Variants in TLE5 observed in about 807,000 individuals in gnomAD.
The protein encoded by TLE5 is TLE family member 5.
In TLE5, 7 loss-of-function variants were observed where a neutral mutation model predicts 25.8. The ratio of observed to expected loss-of-function variants is 0.27; its 90% CI spans 0.15 to 0.51. The LOEUF is 0.51. Ranked by LOEUF, TLE5 falls within the 20% of genes least tolerant of loss-of-function variation. The pLI, the probability that TLE5 is intolerant of heterozygous loss-of-function variation, is 0.97. For synonymous variants in TLE5, 132 were observed against 110.5 expected (o/e 1.20, Z -1.22); for missense variants, 149 against 250.7 (o/e 0.59, Z 2.74).
At chr19:3,061,857 C>G (rs1418130895) in intron 1 of TLE5, among the ~76,000 whole-genome samples, 2 of 139,070 alleles carry the variant, frequency 1.4e-5, no homozygotes, top group Admixed American at 1.4e-4. Context: ...AGGCCAAGGC[C>G]GTCCGAGGCC....
Position 3,055,340 on chromosome 19 carries a change from T to G in TLE5, c.297+324A>C, listed in dbSNP as rs140266270. ...CCTGGAGGAGGATGTCTCAAGAGGG[T>G]GAAAGGAGGAAGAGAGATGAGAAAA... On this transcript the variant is annotated intron_variant, in intron 5 of 6. Transcript: ENST00000327141. 2.4e-4 allele frequency: 47 copies of G among 199,822 alleles called. 1 individual carries two copies. Among genetic ancestry groups the G allele is most frequent in the East Asian group, 1.3e-3 (12 of 9,056 alleles). The allele number at this position is 199,822 out of a possible 1,614,324, so 12.4% of individuals were successfully genotyped here.
At chr19:3,059,495 C>G (rs989698270) in intron 2 of TLE5, among the ~76,000 whole-genome samples, 1 of 152,172 alleles carries the variant, frequency 6.6e-6, no homozygotes, top group Admixed American at 6.5e-5. Context: ...GCACTCCAGC[C>G]TGGCGACAGA....
chr19:3,054,938 A>C (rs2090204500), intron 5 of TLE5: 1 of 152,312 alleles, frequency 6.6e-6, no homozygotes, highest in Admixed American at 6.5e-5. Context: ...AGGAAGTTAC[A>C]AACTTTTGAC....
Position 3,053,959 on chromosome 19 carries a change from G to A in TLE5, c.454C>T (p.Pro152Ser), listed in dbSNP as rs1322790412. The stretch of plus-strand genomic sequence containing the variant: ...CCTGCGCTGACCGCCGGCAGCGAAG[G>A]CGGCTGCAGCCCCACGGGTAGTGGG... ...LTPLPVGLQPPSLPAVSAGTG... is the reference protein window; with the variant it reads ...LTPLPVGLQPSSLPAVSAGTG... The change falls in exon 7 of 7, where the codon CCT becomes TCT. Residue 152 changes from proline (P) to serine (S), a missense_variant. Transcript: ENST00000327141. 2 of 1,611,454 alleles carry A rather than the reference G, an allele frequency of 1.2e-6. No individual in the cohort carries two copies. The highest frequency in any genetic ancestry group is 1.7e-6 in the Non-Finnish European group (2 of 1,179,338).
intron 3 of TLE5, 52 bp downstream of exon 3, chr19:3,057,627 A>C: frequency 7.8e-6 from 12 of 1,539,910 alleles, no homozygotes; most frequent in African/African-American, 1.4e-5. Context: ...GGGGATGTGG[A>C]GGGCCCTGTC....
Position 3,061,425 on chromosome 19 carries a change from G to T in TLE5, c.28-168C>A, listed in dbSNP as rs563265101. ...ACCCCACCCGCGCTTCCTGCCCCCC[G>T]CCTCTCCCGGGGGAAGCCGAGCGGG... On this transcript the variant is annotated intron_variant, in intron 1 of 6. Transcript: ENST00000327141. 12 of 450,068 alleles carry T rather than the reference G, an allele frequency of 2.7e-5. No homozygotes were observed. In the East Asian group the frequency reaches 5.1e-4, roughly 19 times the overall value. The allele number at this position is 450,068 out of a possible 1,614,324, so 27.9% of individuals were successfully genotyped here. A position where few individuals can be genotyped will look rare whatever the true frequency, so the allele number is the denominator to read the frequency against.
chr19:3,061,252 G>A lies in TLE5; in HGVS notation c.33C>T (p.Ser11=), dbSNP rs1011965323. Reference sequence around the variant, plus strand: ...ATTTGAGTTGCTGGGGTAGGTGCGAGGAGCCCTGTAGGGATGGGGCGGCCC... The same window carrying A: ...ATTTGAGTTGCTGGGGTAGGTGCGAAGAGCCCTGTAGGGATGGGGCGGCCC... MMFPQSRHSG[S]SHLPQQLKFT... is the part of the protein sequence containing the mutation. The change falls in exon 2 of 7, where the codon TCC becomes TCT. Residue 11 remains serine, a synonymous_variant. Coordinates refer to ENST00000327141, the MANE Select transcript of TLE5 (RefSeq NM_001130.6). 3 of 1,613,106 alleles carry A rather than the reference G, an allele frequency of 1.9e-6. No homozygotes were observed. The African/African-American group carries it at 4.0e-5, about 22-fold the overall frequency.
chr19:3,057,463 G>T, intron 3 of TLE5: 2 of 561,520 alleles, frequency 3.6e-6, no homozygotes, highest in South Asian at 2.1e-5. Flanking sequence ...TCTGCAACCC[G>T]GCGGTTTGGC....
chr19:3,060,785 CAA>C lies in TLE5; in HGVS notation c.125+373_125+374del, dbSNP rs577197228. 7.2e-4 allele frequency among the ~76,000 whole-genome samples: 110 copies of C among 152,006 alleles called. 1 individual carries two copies. The highest frequency in any genetic ancestry group is 2.5e-3 in the African/African-American group (104 of 41,444). On this transcript the variant is annotated intron_variant, in intron 2 of 6. Transcript: ENST00000327141. ...TGGGAACCCTTTCTCCAAAACTGGG[CAA>C]AGAGAGAGATGACCAGGCTGCAGAA...
intron 4 of TLE5, chr19:3,056,023 C>T (rs1043719202): frequency 2.7e-5 from 14 of 521,856 alleles, no homozygotes; most frequent in African/African-American, 2.2e-4. Flanking sequence ...AGGTAGTAAG[C>T]GCTTGTGCGA....
rs1439667918 is a variant in TLE5 at position 3,061,890 on chromosome 19, G to GC, written c.27+283_27+284insG. On this transcript the variant is annotated intron_variant, in intron 1 of 6. Transcript: ENST00000327141. The stretch of plus-strand genomic sequence containing the variant: ...GCCCTGACTGTCCCGGCGGGTTGGG[G>GC]GGGGGGGGCGCCAAGCCGGGAGCTG... 1.0e-4 allele frequency among the ~76,000 whole-genome samples: 15 copies of GC among 145,564 alleles called. No homozygotes were observed. The East Asian group carries it at 2.5e-3, about 24-fold the overall frequency.
chr19:3,055,459 C>A (rs1312631624), intron 5 of TLE5: 5 of 397,578 alleles, frequency 1.3e-5, no homozygotes, highest in Non-Finnish European at 1.8e-5. Flanking sequence ...GAGGCCCGCC[C>A]CCCACACGCC....
At chr19:3,062,961 G>T, upstream of TLE5, 1 of 707,412 alleles carries the variant, frequency 1.4e-6, no homozygotes. Context: ...AGGCCCCGCT[G>T]CTCCAGGGCC....
chr19:3,055,456 G>C (rs576433539), intron 5 of TLE5: 2 of 392,956 alleles, frequency 5.1e-6, no homozygotes, highest in East Asian at 7.4e-5. Flanking sequence ...GGTGAGGCCC[G>C]CCCCCCACAC....
In TLE5 at chr19:3,062,270, G is replaced by A. The variant is rs2090278269; in HGVS notation, c.-70C>T. Reference sequence around the variant, plus strand: ...CCGGCTCGGGCTGCTGGGGGCGCCGGGCGGCCGCGCCTTTGTCCCGGCGCC... The same window carrying A: ...CCGGCTCGGGCTGCTGGGGGCGCCGAGCGGCCGCGCCTTTGTCCCGGCGCC... On this transcript the variant is annotated 5_prime_UTR_variant, in exon 1 of 7. Coordinates refer to ENST00000327141, the MANE Select transcript of TLE5 (RefSeq NM_001130.6). 1.9e-6 allele frequency: 2 copies of A among 1,025,672 alleles called. No homozygotes were observed. Among genetic ancestry groups the A allele is most frequent in the Non-Finnish European group, 1.2e-6 (1 of 856,520 alleles). 63.5% of individuals were successfully genotyped at this position (1,025,672 alleles called of 1,614,324 possible). A position where few individuals can be genotyped will look rare whatever the true frequency, so the allele number is the denominator to read the frequency against.
intron 4 of TLE5, 157 bp downstream of exon 4, chr19:3,056,155 T>C: frequency 2.1e-6 from 1 of 486,808 alleles, no homozygotes; most frequent in South Asian, 2.8e-5. Context: ...GAGCGGGAGC[T>C]TGGGGAGGGC....
At position 3,062,449 on chromosome 19, in the gene TLE5, G is replaced by GTGGCCCGCCCGCCGCGGTGAC; in HGVS notation, c.-250_-249insGTCACCGCGGCGGGCGGGCCA. Reference sequence around the variant, plus strand: ...GCCCCTCCCCGCCGCCCGCCTCCCCGCTCCCCGGCCCCACCGCTATTGTCT... The same window carrying GTGGCCCGCCCGCCGCGGTGAC: ...GCCCCTCCCCGCCGCCCGCCTCCCCGTGGCCCGCCCGCCGCGGTGACCTCCCCGGCCCCACCGCTATTGTCT... On this transcript the variant is annotated 5_prime_UTR_variant, in exon 1 of 7. Coordinates refer to ENST00000327141, the MANE Select transcript of TLE5 (RefSeq NM_001130.6). The GTGGCCCGCCCGCCGCGGTGAC allele has an allele frequency of 2.1e-6, 1 of 477,910 alleles. No individual in the cohort carries two copies. Among genetic ancestry groups the GTGGCCCGCCCGCCGCGGTGAC allele is most frequent in the Non-Finnish European group, 2.5e-6 (1 of 398,348 alleles). The allele number at this position is 477,910 out of a possible 1,614,324, so 29.6% of individuals were successfully genotyped here. A position where few individuals can be genotyped will look rare whatever the true frequency, so the allele number is the denominator to read the frequency against.
At position 3,053,524 on chromosome 19, in the gene TLE5, C is replaced by T. The variant is rs2090191339; in HGVS notation, c.*295G>A. ...CTGCTGCGCTTCGCGAGGTCTTGCT[C>T]CCTTGGGACCTGGTCTCCCATCTGA... On this transcript the variant is annotated 3_prime_UTR_variant, in exon 7 of 7. Transcript: ENST00000327141. 2.0e-6 allele frequency: 1 copy of T among 497,318 alleles called. No homozygotes were observed. Among genetic ancestry groups the T allele is most frequent in the African/African-American group, 1.9e-5 (1 of 51,742 alleles). 30.8% of individuals were successfully genotyped at this position (497,318 alleles called of 1,614,324 possible).
At chr19:3,058,045 T>A (rs1282421117) in intron 2 of TLE5, among the ~76,000 whole-genome samples, 1 of 151,912 alleles carries the variant, frequency 6.6e-6, no homozygotes, top group African/African-American at 2.4e-5. Context: ...TAAACTTTCA[T>A]AGGGGCTGAG....
Sources: gnomAD v4.1 joint callset for allele counts (sites outside exome capture counted in the v4.1 genomes callset) on GRCh38, gnomAD v4.1.1 for gene constraint, MANE v1.5 for transcripts, NCBI Gene and HGNC (gene_info 2026-07-23, HGNC 2026-07-21) for gene names.